UBA6: variants seen among roughly 807,000 people sequenced by gnomAD.
UBA6 encodes the protein ubiquitin like modifier activating enzyme 6.
UBA6 carries 87 observed loss-of-function variants against 148.3 expected under a neutral mutation model. The ratio of observed to expected loss-of-function variants is 0.59; its 90% CI spans 0.49 to 0.70. UBA6 has a LOEUF of 0.70. Ranked by LOEUF, UBA6 falls within the 30% of genes least tolerant of loss-of-function variation. The probability of loss-of-function intolerance (pLI) is 0.00; values close to 1 mark genes in which losing one functional copy is unlikely to be tolerated. For synonymous variants in UBA6, 376 were observed against 401.0 expected, an observed-to-expected ratio of 0.94 and a Z score of 0.75; for missense variants, 1,186 against 1,241.2, an observed-to-expected ratio of 0.96 and a Z score of 0.67.
At chr4:67,698,983 CA>C (rs1169315538) in intron 1 of UBA6, among the ~76,000 whole-genome samples, 2 of 151,622 alleles carry the variant, frequency 1.3e-5, no homozygotes, top group African/African-American at 4.8e-5. Context: ...CAAAACAAAA[CA>C]AAAAAACCCT....
chr4:67,682,220 G>A lies in UBA6; in HGVS notation c.135-7C>T, dbSNP rs781057779. On this transcript the variant is annotated splice_region_variant and splice_polypyrimidine_tract_variant and intron_variant, in intron 2 of 32. Coordinates refer to ENST00000322244, the MANE Select transcript of UBA6 (RefSeq NM_018227.6). ...AAGAACGTACCTCTGTCGACTACAC[G>A]GAAAACACAATAAAAAACAAAAAAT... 43 of 1,606,314 alleles carry A rather than the reference G, an allele frequency of 2.7e-5. No homozygotes were observed. Among genetic ancestry groups the A allele is most frequent in the Middle Eastern group, 1.6e-4 (1 of 6,072 alleles).
intron 1 of UBA6, among the ~76,000 whole-genome samples, chr4:67,700,541 TC>T (rs144705671): frequency 0.23 from 22,758 of 100,916 alleles, 1,780 homozygotes; most frequent in Middle Eastern, 0.3. Flanking sequence ...TTTTTTTTTT[TC>T]CTTCTTCCGA....
chr4:67,632,790 C>T (rs1729030019), intron 23 of UBA6, among the ~76,000 whole-genome samples: 1 of 152,010 alleles, frequency 6.6e-6, no homozygotes, highest in Non-Finnish European at 1.5e-5. Context: ...CCAGGAGTTC[C>T]AGGCCAGACT....
intron 27 of UBA6, 28 bp downstream of exon 27, chr4:67,629,043 T>C (rs780923965): frequency 1.3e-6 from 2 of 1,503,598 alleles, no homozygotes; most frequent in South Asian, 2.3e-5. Flanking sequence ...CCAAACTATT[T>C]GCTGAATGAA....
At chr4:67,621,278 A>G (rs1728744359) in intron 32 of UBA6, among the ~76,000 whole-genome samples, 1 of 152,260 alleles carries the variant, frequency 6.6e-6, no homozygotes, top group Admixed American at 6.5e-5. Flanking sequence ...AATTCAGACT[A>G]GATCATAATT....
chr4:67,680,623 T>C (rs995076418), intron 4 of UBA6, among the ~76,000 whole-genome samples: 64 of 152,224 alleles, frequency 4.2e-4, no homozygotes, highest in Admixed American at 3.5e-3. Flanking sequence ...ACTAGACATT[T>C]GATGACTGTG....
chr4:67,644,571 C>A, intron 17 of UBA6, 127 bp downstream of exon 17: 1 of 595,418 alleles, frequency 1.7e-6, no homozygotes, highest in Non-Finnish European at 3.1e-6. Flanking sequence ...GCATGACAAT[C>A]TTCCAATTTT....
In UBA6 at chr4:67,618,749, T is replaced by C. The variant is rs1356128084; in HGVS notation, c.*248A>G. The C allele has an allele frequency of 8.4e-6, 3 of 355,208 alleles. No individual in the cohort carries two copies. In the East Asian group the frequency reaches 1.4e-4, roughly 17 times the overall value. 22.0% of individuals were successfully genotyped at this position (355,208 alleles called of 1,614,324 possible). On this transcript the variant is annotated 3_prime_UTR_variant, in exon 33 of 33. Coordinates refer to ENST00000322244, the MANE Select transcript of UBA6 (RefSeq NM_018227.6). ...ATACACAGATTAATACACAAAACTT[T>C]TGTAAATAGCATTCCAGTTCAAAGT...
Position 67,614,328 on chromosome 4 carries a change from C to G in UBA6, c.*4669G>C, listed in dbSNP as rs79128168. The G allele has an allele frequency of 2.8e-4, 43 of 152,286 alleles. 1 individual carries two copies. The highest frequency in any genetic ancestry group is 9.9e-4 in the African/African-American group (41 of 41,552). 9.4% of individuals were successfully genotyped at this position (152,286 alleles called of 1,614,324 possible). A position where few individuals can be genotyped will look rare whatever the true frequency, so the allele number is the denominator to read the frequency against. On this transcript the variant is annotated 3_prime_UTR_variant, in exon 33 of 33. Coordinates refer to ENST00000322244, the MANE Select transcript of UBA6 (RefSeq NM_018227.6). The stretch of plus-strand genomic sequence containing the variant: ...TAAAACCAAGATGTACTCTGACCAC[C>G]TGGGGCACATGTTCTCTGGACCTCC...
intron 12 of UBA6, 49 bp downstream of exon 12, chr4:67,663,090 A>G (rs1266001379): frequency 7.4e-7 from 1 of 1,358,670 alleles, no homozygotes; most frequent in Non-Finnish European, 1.0e-6. Flanking sequence ...TTTCTGAACT[A>G]CTACTTTTAT....
At chr4:67,640,190 A>G (rs1370224452) in intron 18 of UBA6, among the ~76,000 whole-genome samples, 7 of 152,216 alleles carry the variant, frequency 4.6e-5, no homozygotes, top group African/African-American at 1.7e-4. Flanking sequence ...TAAGTGTACA[A>G]ACAAATCAAA....
chr4:67,670,447 A>G, intron 8 of UBA6, 23 bp downstream of exon 8: 5 of 1,542,294 alleles, frequency 3.2e-6, no homozygotes, highest in Non-Finnish European at 3.6e-6. Context: ...ATTTATTTTA[A>G]AAGTTCATTA....
chr4:67,657,749 T>C (rs1273930492), intron 13 of UBA6, among the ~76,000 whole-genome samples: 5 of 142,230 alleles, frequency 3.5e-5, no homozygotes, highest in Admixed American at 3.0e-4. Context: ...ACCTACAGAA[T>C]GGGAGAAAAT....
At chr4:67,648,863 T>A (rs1239690735) in intron 14 of UBA6, among the ~76,000 whole-genome samples, 1 of 152,220 alleles carries the variant, frequency 6.6e-6, no homozygotes, top group Non-Finnish European at 1.5e-5. Flanking sequence ...AGAAGGCAAC[T>A]TTGGGTTATA....
intron 1 of UBA6, among the ~76,000 whole-genome samples, chr4:67,697,160 C>G (rs1730861612): frequency 1.3e-5 from 2 of 152,148 alleles, no homozygotes; most frequent in South Asian, 4.1e-4. Flanking sequence ...TGCACACCAC[C>G]ACATCCAATT....
intron 2 of UBA6, among the ~76,000 whole-genome samples, chr4:67,690,370 A>G (rs1002975485): frequency 6.6e-6 from 1 of 152,172 alleles, no homozygotes; most frequent in African/African-American, 2.4e-5. Flanking sequence ...AACAGGAAAG[A>G]GGCCTCATAA....
At chr4:67,652,953 G>A (rs932902228) in intron 13 of UBA6, among the ~76,000 whole-genome samples, 4 of 152,330 alleles carry the variant, frequency 2.6e-5, no homozygotes, top group South Asian at 4.1e-4. Context: ...CCACCTGCGA[G>A]GCTGCAGCCT....
rs1037054422 is a variant in UBA6, at chr4:67,663,632, A to T, written c.960+253T>A. 1.1e-4 allele frequency: 54 copies of T among 480,634 alleles called. 1 individual carries two copies. Among genetic ancestry groups the T allele is most frequent in the African/African-American group, 1.0e-3 (53 of 51,420 alleles). The allele number at this position is 480,634 out of a possible 1,614,324, so 29.8% of individuals were successfully genotyped here. A position where few individuals can be genotyped will look rare whatever the true frequency, so the allele number is the denominator to read the frequency against. ...AAGTTATTGAAATCGTCTTATAATT[A>T]TCAAAGTTGGCAAATCATTATAAAA... On this transcript the variant is annotated intron_variant, in intron 11 of 32. Transcript: ENST00000322244.
At chr4:67,619,209 C>T (rs1407980937) in intron 32 of UBA6, 77 bp from the exon 33 acceptor site, 41 of 1,101,344 alleles carry the variant, frequency 3.7e-5, no homozygotes, top group Non-Finnish European at 5.5e-5. Context: ...TAATGCCATC[C>T]AGAGAACCTG....
Sources: allele counts gnomAD v4.1 joint callset (sites outside exome capture counted in the v4.1 genomes callset), GRCh38; gene constraint gnomAD v4.1.1; transcripts MANE v1.5; gene names NCBI Gene and HGNC (gene_info 2026-07-23, HGNC 2026-07-21).